SYT2: variants seen among roughly 807,000 people sequenced by gnomAD.
The protein encoded by SYT2 is synaptotagmin 2, also known as synaptotagmin-2.
SYT2 carries 15 observed loss-of-function variants against 39.9 expected under a neutral mutation model. The ratio of observed to expected loss-of-function variants is 0.38; its 90% CI spans 0.25 to 0.58. SYT2 has a LOEUF of 0.58. SYT2 is among the 20% of genes least tolerant of loss of function. The pLI is 0.70. For missense variants in SYT2, 389 were observed against 530.3 expected (o/e 0.73, Z 2.62); for synonymous variants, 181 against 204.5 (o/e 0.89, Z 0.98).
rs148008362 is a variant in SYT2 at position 202,680,705 on chromosome 1, G to A, written c.-18+29553C>T. On this transcript the variant is annotated intron_variant, in intron 1 of 8. Transcript: ENST00000367268. ...CCCAGCTTCTTCCTTGCCCCTCTCT[G>A]CTTTTCTCCATCTAAAAACATTCCC... Among the ~76,000 whole-genome samples the A allele has an allele frequency of 1.6e-3, 251 of 152,224 alleles. 1 individual carries two copies. Among genetic ancestry groups the A allele is most frequent in the African/African-American group, 3.9e-3 (163 of 41,526 alleles).
chr1:202,681,906 G>A (rs1653536095), intron 1 of SYT2, among the ~76,000 whole-genome samples: 1 of 152,208 alleles, frequency 6.6e-6, no homozygotes, highest in East Asian at 1.9e-4. Context: ...GAGCCTCCGT[G>A]GGGATCAGAT....
chr1:202,603,255 G>C (rs1400675003), intron 3 of SYT2, 137 bp from the exon 4 acceptor site: 1 of 1,253,544 alleles, frequency 8.0e-7, no homozygotes, highest in Non-Finnish European at 1.1e-6. Flanking sequence ...ACACAAGAGG[G>C]AACGTGGCCC....
At chr1:202,624,178 G>T (rs1049972318) in intron 1 of SYT2, among the ~76,000 whole-genome samples, 4 of 151,938 alleles carry the variant, frequency 2.6e-5, no homozygotes, top group Admixed American at 2.6e-4. Flanking sequence ...GCATGTATGT[G>T]GTGGGTAGGG....
In SYT2 at chr1:202,623,601, G is replaced by A. The variant is rs531722517; in HGVS notation, c.-17-17812C>T. Among the ~76,000 whole-genome samples the A allele has an allele frequency of 6.6e-6, 1 of 152,242 alleles. No individual in the cohort carries two copies. The highest frequency in any genetic ancestry group is 1.5e-5 in the Non-Finnish European group (1 of 68,030). On this transcript the variant is annotated intron_variant, in intron 1 of 8. Coordinates refer to ENST00000367268, the MANE Select transcript of SYT2 (RefSeq NM_177402.5). This position sits in a 1 kb window ranked among gnomAD's most constrained non-coding sequence, Gnocchi z 4.2. ...ATGAGTGATTGAGTGGGGACAGATG[G>A]AGGCTTGGGGACCAGCGGGCCCTGG...
chr1:202,636,775 C>A (rs1433845134), intron 1 of SYT2, among the ~76,000 whole-genome samples: 1 of 152,184 alleles, frequency 6.6e-6, no homozygotes, highest in East Asian at 1.9e-4. Flanking sequence ...ATTCTTAGAG[C>A]TATATGTAAA....
chr1:202,648,107 T>C (rs528752665), intron 1 of SYT2, among the ~76,000 whole-genome samples: 2 of 152,344 alleles, frequency 1.3e-5, no homozygotes, highest in East Asian at 1.9e-4. Context: ...ATTGTGAATA[T>C]TGCATGAGTT....
chr1:202,650,580 C>A (rs1240478238), intron 1 of SYT2, among the ~76,000 whole-genome samples: 1 of 152,060 alleles, frequency 6.6e-6, no homozygotes, highest in Admixed American at 6.5e-5. Context: ...GGATTTCAGG[C>A]ACACACCACC....
In SYT2 at chr1:202,602,977, G is replaced by GC. The variant is rs55968420; in HGVS notation, c.465+21dup. 222 of 1,583,458 alleles carry GC rather than the reference G, an allele frequency of 1.4e-4. 1 individual carries two copies. Among genetic ancestry groups the GC allele is most frequent in the Middle Eastern group, 1.4e-3 (8 of 5,924 alleles). On this transcript the variant is annotated intron_variant, in intron 4 of 8. Transcript: ENST00000367268. ...AGGCCTCTCCCCATTCCCCCACTCT[G>GC]CCCCCCCACAGCCCTGCATACCTGA...
Position 202,696,134 on chromosome 1 carries a change from G to A in SYT2, c.-18+14124C>T, listed in dbSNP as rs902792170. ...CTCATTTTACAAAGGATGGAACACA[G>A]AAAAGAGAGAAAGTGACAAGTTCAC... On this transcript the variant is annotated intron_variant, in intron 1 of 8. Transcript: ENST00000367268. Among the ~76,000 whole-genome samples the A allele has an allele frequency of 2.0e-5, 3 of 152,218 alleles. No homozygotes were observed. The East Asian group carries it at 5.8e-4, about 29-fold the overall frequency.
rs2149060337 is a variant in SYT2 at position 202,593,476 on chromosome 1, A to T, written c.*3281T>A. The T allele has an allele frequency of 6.6e-6, 1 of 152,290 alleles. No individual in the cohort carries two copies. Among genetic ancestry groups the T allele is most frequent in the Middle Eastern group, 3.4e-3 (1 of 294 alleles). 9.4% of individuals were successfully genotyped at this position (152,290 alleles called of 1,614,324 possible). A position where few individuals can be genotyped will look rare whatever the true frequency, so the allele number is the denominator to read the frequency against. On this transcript the variant is annotated 3_prime_UTR_variant, in exon 9 of 9. Transcript: ENST00000367268. ...CACACTGATTCTGCAGACACAAGTT[A>T]TGTATGCTTTCCTAGGAAGAAAAAA...
chr1:202,638,657 GA>G, intron 1 of SYT2, among the ~76,000 whole-genome samples: 1 of 152,286 alleles, frequency 6.6e-6, no homozygotes, highest in South Asian at 2.1e-4. Flanking sequence ...ATTTAATGCG[GA>G]AAATCCAAAG....
In SYT2 at chr1:202,596,308, T is replaced by TACATACACAC. The variant is rs1690294137; in HGVS notation, c.*448_*449insGTGTGTATGT. 1 of 87,852 alleles carries TACATACACAC rather than the reference T, an allele frequency of 1.1e-5. No individual in the cohort carries two copies. The highest frequency in any genetic ancestry group is 2.5e-5 in the Non-Finnish European group (1 of 39,846). The allele number at this position is 87,852 out of a possible 1,614,324, so 5.4% of individuals were successfully genotyped here. On this transcript the variant is annotated 3_prime_UTR_variant, in exon 9 of 9. Coordinates refer to ENST00000367268, the MANE Select transcript of SYT2 (RefSeq NM_177402.5). ...ACACACACACACACACACACACACA[T>TACATACACAC]ACACACACACACACACACACACACA...
chr1:202,605,884 G>A, intron 1 of SYT2, 95 bp from the exon 2 acceptor site: 7 of 805,264 alleles, frequency 8.7e-6, no homozygotes, highest in Non-Finnish European at 1.4e-5. Flanking sequence ...GCTCTTTATA[G>A]ATCAAAGATA....
At chr1:202,611,694 A>T (rs1389050951) in intron 1 of SYT2, among the ~76,000 whole-genome samples, 1 of 152,144 alleles carries the variant, frequency 6.6e-6, no homozygotes, top group Non-Finnish European at 1.5e-5. Context: ...GAAGCAAAAA[A>T]GTTTTCAATT....
At chr1:202,667,495 G>A (rs1157894241) in intron 1 of SYT2, among the ~76,000 whole-genome samples, 1 of 145,710 alleles carries the variant, frequency 6.9e-6, no homozygotes, top group Non-Finnish European at 1.5e-5. Flanking sequence ...GTGTGTGTGT[G>A]TGTGTGTGTG....
At chr1:202,707,462 G>A (rs569201703) in intron 1 of SYT2, among the ~76,000 whole-genome samples, 1 of 152,132 alleles carries the variant, frequency 6.6e-6, no homozygotes, top group African/African-American at 2.4e-5. Context: ...CAGTGGTGGG[G>A]ATACTCTGGC....
At position 202,599,229 on chromosome 1, in the gene SYT2, C is replaced by T. The variant is rs749704707; in HGVS notation, c.1042G>A (p.Glu348Lys). The T allele has an allele frequency of 1.2e-6, 2 of 1,613,330 alleles. No individual in the cohort carries two copies. Among genetic ancestry groups the T allele is most frequent in the Non-Finnish European group, 1.7e-6 (2 of 1,179,660 alleles). ...CAGGGCTCCAGCACCTGAATCTGCT[C>T]GAAGGGGATCTCAAAGCTGAAGGAC... is the stretch of plus-strand genomic sequence containing the variant. Reference protein sequence around the residue: ...NESFSFEIPFEQIQKVQVVVT... With the variant: ...NESFSFEIPFKQIQKVQVVVT... Residue 348 changes from glutamate (E) to lysine (K), a missense_variant, in exon 8 of 9, where the codon GAG becomes AAG. Around this residue, in one of 4 missense-constraint regions of SYT2, gnomAD observed 84 missense variants for 123.1 expected, o/e 0.68. Coordinates refer to ENST00000367268, the MANE Select transcript of SYT2 (RefSeq NM_177402.5). This position sits in a 1 kb window ranked among gnomAD's most constrained non-coding sequence, Gnocchi z 4.4.
In SYT2 at chr1:202,614,760, G is replaced by A. The variant is rs899454202; in HGVS notation, c.-17-8971C>T. 6.6e-6 allele frequency among the ~76,000 whole-genome samples: 1 copy of A among 152,228 alleles called. No homozygotes were observed. The highest frequency in any genetic ancestry group is 2.4e-5 in the African/African-American group (1 of 41,474). Reference sequence around the variant, plus strand: ...GGCAGAGAGCACAGCCTATGCAAAGGCCCAGAGGTGGGATGCAGTGTGGTG... The same window carrying A: ...GGCAGAGAGCACAGCCTATGCAAAGACCCAGAGGTGGGATGCAGTGTGGTG... On this transcript the variant is annotated intron_variant, in intron 1 of 8. Coordinates refer to ENST00000367268, the MANE Select transcript of SYT2 (RefSeq NM_177402.5). This position sits in a 1 kb window ranked among gnomAD's most constrained non-coding sequence, Gnocchi z 4.0.
intron 1 of SYT2, among the ~76,000 whole-genome samples, chr1:202,641,537 C>T (rs963595560): frequency 1.3e-5 from 2 of 152,234 alleles, no homozygotes; most frequent in African/African-American, 2.4e-5. Flanking sequence ...GTCCGCAACA[C>T]CCTAATGCCC....
Sources: gnomAD v4.1 joint callset for allele counts (sites outside exome capture counted in the v4.1 genomes callset) on GRCh38, gnomAD v4.1.1 for gene constraint, gnomAD v4.1.1 regional missense constraint, Gnocchi (gnomAD v3.1) non-coding constraint, MANE v1.5 for transcripts, NCBI Gene and HGNC (gene_info 2026-07-23, HGNC 2026-07-21) for gene names.